The following NREP variants were observed in gnomAD, a reference collection of about 807,000 sequenced individuals.
NREP encodes neuronal regeneration-related protein.
Under a neutral mutation model 8.6 loss-of-function variants are expected in NREP, and 5 were observed. The ratio of observed to expected loss-of-function variants is 0.58; its 90% CI spans 0.30 to 1.22. The LOEUF is 1.22. Ranked by LOEUF, NREP falls within the 50% of genes most tolerant of loss-of-function variation. The pLI is 0.07. For missense variants in NREP, 86 were observed against 82.5 expected, an observed-to-expected ratio of 1.04 and a Z score of -0.17; for synonymous variants, 27 against 28.0, an observed-to-expected ratio of 0.96 and a Z score of 0.11.
intron 2 of NREP, among the ~76,000 whole-genome samples, chr5:111,844,087 C>G (rs1047945328): frequency 1.3e-5 from 2 of 151,760 alleles, no homozygotes; most frequent in South Asian, 4.2e-4. Context: ...AAATCTGATG[C>G]AGCAATATTA....
upstream of NREP, chr5:111,757,889 G>T (rs1750836892): frequency 1.4e-5 from 14 of 983,522 alleles, no homozygotes; most frequent in Non-Finnish European, 1.3e-5. Flanking sequence ...TGCACAGCCC[G>T]GCGGCCCGCC....
chr5:111,798,928 T>C (rs1265300062), intron 2 of NREP, among the ~76,000 whole-genome samples: 1 of 152,228 alleles, frequency 6.6e-6, no homozygotes, highest in Non-Finnish European at 1.5e-5. Context: ...TCTTTTCCTC[T>C]AGGTAGATAC....
At chr5:111,759,469 C>T (rs538903180), upstream of NREP, among the ~76,000 whole-genome samples, 9 of 150,614 alleles carry the variant, frequency 6.0e-5, no homozygotes, top group Non-Finnish European at 1.0e-4. Context: ...CCATGTTGCC[C>T]GGTCTCAAAC....
At chr5:111,809,868 G>GGC (rs139310678) in intron 2 of NREP, among the ~76,000 whole-genome samples, 2,329 of 102,614 alleles carry the variant, frequency 0.023, 56 homozygotes, top group Admixed American at 0.069. Context: ...CTGGGACTTT[G>GGC]GCGTGTGTGT....
At chr5:111,840,760 A>G (rs778214112) in intron 2 of NREP, among the ~76,000 whole-genome samples, 35 of 152,298 alleles carry the variant, frequency 2.3e-4, no homozygotes, top group Non-Finnish European at 4.1e-4. Flanking sequence ...CCACAAGTCA[A>G]GGAGATAAAC....
intron 2 of NREP, among the ~76,000 whole-genome samples, chr5:111,805,540 G>C (rs1581130937): frequency 1.3e-5 from 2 of 152,154 alleles, no homozygotes; most frequent in South Asian, 4.1e-4. Context: ...ACAATATATT[G>C]TTAACTGAAC....
intron 2 of NREP, among the ~76,000 whole-genome samples, chr5:111,902,108 C>A (rs958445709): frequency 6.6e-6 from 1 of 151,910 alleles, no homozygotes. Flanking sequence ...AGTCACAGAC[C>A]AATGGAACAT....
chr5:111,771,173 C>T (rs143555334), intron 2 of NREP, among the ~76,000 whole-genome samples: 303 of 152,210 alleles, frequency 2.0e-3, no homozygotes, highest in Middle Eastern at 3.4e-3. Context: ...GGTAAAGACA[C>T]ATGAATGATG....
At chr5:111,874,447 C>T (rs907982880) in intron 2 of NREP, among the ~76,000 whole-genome samples, 4 of 152,164 alleles carry the variant, frequency 2.6e-5, no homozygotes, top group African/African-American at 7.2e-5. Flanking sequence ...TAGTTTTCCA[C>T]TAGAGTTGTT....
At chr5:111,907,895 T>A (rs1314874997) in intron 2 of NREP, among the ~76,000 whole-genome samples, 2 of 152,092 alleles carry the variant, frequency 1.3e-5, no homozygotes, top group Non-Finnish European at 1.5e-5. Flanking sequence ...CTATTTTTTT[T>A]ATATCCCTGT....
At chr5:111,861,265 T>C (rs937908887) in intron 2 of NREP, among the ~76,000 whole-genome samples, 13 of 152,178 alleles carry the variant, frequency 8.5e-5, no homozygotes, top group Non-Finnish European at 1.9e-4. Context: ...CCCTAATTTC[T>C]GCTTGGGCCA....
chr5:111,880,561 A>G (rs189588613), intron 2 of NREP, among the ~76,000 whole-genome samples: 15 of 152,096 alleles, frequency 9.9e-5, no homozygotes, highest in Non-Finnish European at 1.2e-4. Flanking sequence ...TTCTCTTTTT[A>G]TAAGAACATC....
intron 2 of NREP, among the ~76,000 whole-genome samples, chr5:111,874,211 C>G (rs1455741829): frequency 1.3e-5 from 2 of 152,116 alleles, no homozygotes; most frequent in African/African-American, 4.8e-5. Flanking sequence ...TTTTAAAACT[C>G]TCCATATACT....
intron 2 of NREP, among the ~76,000 whole-genome samples, chr5:111,920,602 G>A (rs1291014411): frequency 4.6e-5 from 7 of 152,058 alleles, no homozygotes; most frequent in Non-Finnish European, 1.0e-4. Flanking sequence ...CAGAAAGATG[G>A]GTTGCCATTT....
chr5:111,855,116 A>G lies in NREP; in HGVS notation c.136-119609T>C, dbSNP rs193151329. On this transcript the variant is annotated intron_variant, in intron 2 of 3. Transcript: ENST00000395634. The stretch of plus-strand genomic sequence containing the variant: ...TGGAACTCCTGAATTAATTACTTCA[A>G]TTTAATAGGTATTAAATTGTTCCAG... Among the ~76,000 whole-genome samples, 132 of 152,274 alleles carry G rather than the reference A, an allele frequency of 8.7e-4. 1 individual carries two copies. In the East Asian group the frequency reaches 0.011, roughly 12 times the overall value.
chr5:111,737,886 A>C (rs959232198), intron 2 of NREP, among the ~76,000 whole-genome samples: 1 of 151,994 alleles, frequency 6.6e-6, no homozygotes, highest in Admixed American at 6.6e-5. Context: ...AGGCATTTTT[A>C]GCACATTAGG....
chr5:111,975,419 C>T, intron 1 of NREP: 1 of 1,363,684 alleles, frequency 7.3e-7, no homozygotes, highest in Non-Finnish European at 1.0e-6. Flanking sequence ...AGCACTGACC[C>T]CCCTGAGTGC....
intron 2 of NREP, among the ~76,000 whole-genome samples, chr5:111,849,908 C>A (rs899800534): frequency 2.0e-5 from 3 of 152,108 alleles, no homozygotes; most frequent in Non-Finnish European, 4.4e-5. Context: ...TTACCTTAGA[C>A]TATGAGATGG....
intron 2 of NREP, among the ~76,000 whole-genome samples, chr5:111,876,809 C>T (rs1002775017): frequency 6.6e-6 from 1 of 152,120 alleles, no homozygotes; most frequent in African/African-American, 2.4e-5. Context: ...TAAATATTAA[C>T]TTAATCTTCA....
Sources: allele counts gnomAD v4.1 joint callset (sites outside exome capture counted in the v4.1 genomes callset), GRCh38; gene constraint gnomAD v4.1.1; transcripts MANE v1.5; gene names NCBI Gene and HGNC (gene_info 2026-07-23, HGNC 2026-07-21).